Variants in PHF2 observed in about 807,000 individuals in gnomAD.
PHF2 encodes lysine-specific demethylase PHF2.
A neutral mutation model predicts 120.5 loss-of-function variants in PHF2; 27 were observed. The ratio of observed to expected loss-of-function variants is 0.22; its 90% confidence interval spans 0.17 to 0.31. PHF2 has a LOEUF of 0.31. PHF2 is among the 10% of genes least tolerant of loss of function. PHF2 has a pLI of 1.00. For synonymous variants in PHF2, 568 were observed against 592.5 expected (o/e 0.96, Z 0.60); for missense variants, 1,024 against 1,434.8 (o/e 0.71, Z 4.63).
chr9:93,591,453 A>T (rs1024245169), intron 1 of PHF2, among the ~76,000 whole-genome samples: 3 of 152,120 alleles, frequency 2.0e-5, no homozygotes, highest in Non-Finnish European at 4.4e-5. Flanking sequence ...TCTGCATACC[A>T]TGTGAGTAGG....
intron 1 of PHF2, among the ~76,000 whole-genome samples, chr9:93,615,390 A>G (rs1825715244): frequency 6.6e-6 from 1 of 151,332 alleles, no homozygotes. Flanking sequence ...GGTGACAGTG[A>G]TGATGATGAC....
chr9:93,618,992 G>A (rs1299844589), intron 1 of PHF2, among the ~76,000 whole-genome samples: 1 of 36,898 alleles, frequency 2.7e-5, no homozygotes, highest in Non-Finnish European at 6.7e-5. Flanking sequence ...TTCCCTGTGG[G>A]TCTGATCCTC....
In PHF2 at chr9:93,608,527, A is replaced by G. The variant is rs1165330257; in HGVS notation, c.99-21443A>G. 2.0e-5 allele frequency among the ~76,000 whole-genome samples: 3 copies of G among 151,812 alleles called. No homozygotes were observed. In the East Asian group the frequency reaches 5.8e-4, roughly 29 times the overall value. ...AGACTGTAGAAAGTTGATATAATTTATCCCTTTAATGTTGGTGGAATTCAC... is the reference window on the plus strand; with the variant it reads ...AGACTGTAGAAAGTTGATATAATTTGTCCCTTTAATGTTGGTGGAATTCAC... On this transcript the variant is annotated intron_variant, in intron 1 of 21. Coordinates refer to ENST00000359246, the MANE Select transcript of PHF2 (RefSeq NM_005392.4).
chr9:93,624,828 GAT>G (rs1825885656), intron 1 of PHF2, among the ~76,000 whole-genome samples: 1 of 151,660 alleles, frequency 6.6e-6, no homozygotes, highest in Non-Finnish European at 1.5e-5. Context: ...TGATGATGGT[GAT>G]GATGATGATG....
intron 1 of PHF2, among the ~76,000 whole-genome samples, chr9:93,611,106 A>T (rs1290422284): frequency 6.6e-6 from 1 of 152,134 alleles, no homozygotes; most frequent in Non-Finnish European, 1.5e-5. Context: ...ATACAGATTT[A>T]TTTTTGAGAG....
chr9:93,621,729 T>A (rs1482697783), intron 1 of PHF2, among the ~76,000 whole-genome samples: 1 of 152,030 alleles, frequency 6.6e-6, no homozygotes, highest in East Asian at 1.9e-4. Flanking sequence ...CCCTGTAAAG[T>A]AGGCTTGTGC....
chr9:93,580,504 C>T (rs1446286519), intron 1 of PHF2, among the ~76,000 whole-genome samples: 1 of 152,166 alleles, frequency 6.6e-6, no homozygotes, highest in Non-Finnish European at 1.5e-5. Context: ...TCCACTCCTG[C>T]CTGCAAAGTG....
In PHF2 at chr9:93,663,709, C is replaced by T. The variant is rs560162114; in HGVS notation, c.1937+74C>T. 14 of 797,278 alleles carry T rather than the reference C, an allele frequency of 1.8e-5. No individual in the cohort carries two copies. The African/African-American group carries it at 2.2e-4, about 13-fold the overall frequency. The allele number at this position is 797,278 out of a possible 1,614,324, so 49.4% of individuals were successfully genotyped here. A position where few individuals can be genotyped will look rare whatever the true frequency, so the allele number is the denominator to read the frequency against. On this transcript the variant is annotated intron_variant, in intron 14 of 21. Coordinates refer to ENST00000359246, the MANE Select transcript of PHF2 (RefSeq NM_005392.4). ...CACACACACCATACATACTGCATCA[C>T]ACCCACTGCCTTATACCACACACAC...
At chr9:93,589,108 G>A (rs866356845) in intron 1 of PHF2, among the ~76,000 whole-genome samples, 1 of 152,160 alleles carries the variant, frequency 6.6e-6, no homozygotes, top group Non-Finnish European at 1.5e-5. Context: ...GGGATTCTGA[G>A]GCTTAGTCAT....
At chr9:93,593,403 C>T (rs1825272463) in intron 1 of PHF2, among the ~76,000 whole-genome samples, 2 of 152,188 alleles carry the variant, frequency 1.3e-5, no homozygotes, top group Admixed American at 6.5e-5. Flanking sequence ...TGTCTTGTGT[C>T]TCTGAGGCTT....
chr9:93,651,635 G>A (rs1564395176), intron 5 of PHF2, among the ~76,000 whole-genome samples: 2 of 152,310 alleles, frequency 1.3e-5, no homozygotes, highest in East Asian at 1.9e-4. Context: ...CCGGAGAGAT[G>A]CCTGCTCTGT....
rs546604488 is a variant in PHF2, at chr9:93,674,279, C to T, written c.2626+417C>T. Among the ~76,000 whole-genome samples the T allele has an allele frequency of 9.9e-5, 15 of 152,120 alleles. No homozygotes were observed. The South Asian group carries it at 2.7e-3, about 27-fold the overall frequency. On this transcript the variant is annotated intron_variant, in intron 18 of 21. Coordinates refer to ENST00000359246, the MANE Select transcript of PHF2 (RefSeq NM_005392.4). ...TGGCTTTTGAGGGTCACAGGGTCAC[C>T]GCCTCACCGTGTTGGGGCAGCTCCC... is the stretch of plus-strand genomic sequence containing the variant.
At chr9:93,579,273 T>C (rs957044981) in intron 1 of PHF2, among the ~76,000 whole-genome samples, 1 of 152,240 alleles carries the variant, frequency 6.6e-6, no homozygotes, top group African/African-American at 2.4e-5. Flanking sequence ...ATTTACTTCC[T>C]ATTTAACATT....
At chr9:93,612,770 C>G (rs1221669695) in intron 1 of PHF2, among the ~76,000 whole-genome samples, 2 of 152,048 alleles carry the variant, frequency 1.3e-5, no homozygotes, top group Non-Finnish European at 2.9e-5. Context: ...TTTTTGTATC[C>G]ACAAGGTTGG....
At chr9:93,609,922 C>T (rs1237271160) in intron 1 of PHF2, among the ~76,000 whole-genome samples, 3 of 152,184 alleles carry the variant, frequency 2.0e-5, no homozygotes, top group Non-Finnish European at 4.4e-5. Context: ...GTCTTGAACT[C>T]TTGACCTCGT....
rs1229681206 is a variant in PHF2 at position 93,656,620 on chromosome 9, T to C, written c.1147+25T>C. 6.5e-7 allele frequency: 1 copy of C among 1,544,376 alleles called. No homozygotes were observed. The highest frequency in any genetic ancestry group is 8.9e-7 in the Non-Finnish European group (1 of 1,118,538). On this transcript the variant is annotated intron_variant, in intron 9 of 21. Coordinates refer to ENST00000359246, the MANE Select transcript of PHF2 (RefSeq NM_005392.4). The surrounding 1 kb of genome is among the most constrained non-coding windows in gnomAD (Gnocchi z 4.1). The stretch of plus-strand genomic sequence containing the variant: ...GGTACTGGTCACTCCGGGGTGGGCG[T>C]CCAAGCCTGGGGCTCTTGGCTGTGG...
intron 3 of PHF2, 61 bp from the exon 4 acceptor site, chr9:93,645,568 A>T (rs1433419567): frequency 6.7e-7 from 1 of 1,488,366 alleles, no homozygotes; most frequent in Non-Finnish European, 9.0e-7. Flanking sequence ...CCCTGTCCAC[A>T]CCTGTCCCGG....
At chr9:93,625,437 A>G (rs949638432) in intron 1 of PHF2, among the ~76,000 whole-genome samples, 8 of 149,962 alleles carry the variant, frequency 5.3e-5, no homozygotes, top group African/African-American at 2.0e-4. Flanking sequence ...TACTGTTAGG[A>G]ACATTTATGT....
At chr9:93,581,592 G>A (rs1862931088) in intron 1 of PHF2, among the ~76,000 whole-genome samples, 1 of 152,200 alleles carries the variant, frequency 6.6e-6, no homozygotes, top group Admixed American at 6.5e-5. Context: ...CTTTCCAAAG[G>A]AGGTGTGTCT....
Sources: gnomAD v4.1 joint callset for allele counts (sites outside exome capture counted in the v4.1 genomes callset) on GRCh38, gnomAD v4.1.1 for gene constraint, Gnocchi (gnomAD v3.1) non-coding constraint, MANE v1.5 for transcripts, NCBI Gene and HGNC (gene_info 2026-07-23, HGNC 2026-07-21) for gene names.